The following PHF2 variants were observed in gnomAD, a reference collection of about 807,000 sequenced individuals.
PHF2 encodes the protein lysine-specific demethylase PHF2.
PHF2 carries 27 observed loss-of-function variants against 120.5 expected under a neutral mutation model. The ratio of observed to expected loss-of-function variants is 0.22; its 90% CI spans 0.17 to 0.31. The LOEUF (loss-of-function observed/expected upper bound fraction) is 0.31. Among genes scored for constraint, PHF2 ranks in the 10% least tolerant of loss-of-function variants. PHF2 has a pLI of 1.00. For missense variants in PHF2, 1,024 were observed against 1,434.8 expected, an observed-to-expected ratio of 0.71 and a Z score of 4.63; for synonymous variants, 568 against 592.5, an observed-to-expected ratio of 0.96 and a Z score of 0.60.
At chr9:93,655,553 G>C (rs993793501) in intron 7 of PHF2, among the ~76,000 whole-genome samples, 5 of 152,234 alleles carry the variant, frequency 3.3e-5, no homozygotes, top group Non-Finnish European at 7.3e-5. Flanking sequence ...GCTGGACACA[G>C]ACTGGGGCTT....
At chr9:93,666,170 A>T in intron 16 of PHF2, 110 bp downstream of exon 16, 1 of 1,137,714 alleles carries the variant, frequency 8.8e-7, no homozygotes, top group Non-Finnish European at 1.3e-6. Flanking sequence ...TCTGCATGAG[A>T]TGGCAAAGGG....
intron 5 of PHF2, 35 bp from the exon 6 acceptor site, chr9:93,653,144 C>T: frequency 6.2e-7 from 1 of 1,600,216 alleles, no homozygotes; most frequent in South Asian, 1.1e-5. Context: ...AAGGGAGTCC[C>T]AGGTTCCCTC....
In PHF2 at chr9:93,677,940, T is replaced by C. The variant is rs1826950478; in HGVS notation, c.*264T>C. 1 of 459,174 alleles carries C rather than the reference T, an allele frequency of 2.2e-6. No homozygotes were observed. The highest frequency in any genetic ancestry group is 3.9e-5 in the East Asian group (1 of 25,498). 28.4% of individuals were successfully genotyped at this position (459,174 alleles called of 1,614,324 possible). On this transcript the variant is annotated 3_prime_UTR_variant, in exon 22 of 22. Coordinates refer to ENST00000359246, the MANE Select transcript of PHF2 (RefSeq NM_005392.4). The surrounding 1 kb of genome is among the most constrained non-coding windows in gnomAD (Gnocchi z 4.4). Reference sequence around the variant, plus strand: ...GCCCTGCAAGTTTGAGGACCGCTTATTCCACTTTAAGGACAGCCTTCAGGC... The same window carrying C: ...GCCCTGCAAGTTTGAGGACCGCTTACTCCACTTTAAGGACAGCCTTCAGGC...
intron 1 of PHF2, among the ~76,000 whole-genome samples, chr9:93,596,767 G>GT (rs1825340838): frequency 6.7e-6 from 1 of 148,272 alleles, no homozygotes; most frequent in African/African-American, 2.5e-5. Flanking sequence ...TTTGTTTTTT[G>GT]TTTTTTGTTT....
intron 1 of PHF2, among the ~76,000 whole-genome samples, chr9:93,579,510 T>C (rs1328656823): frequency 6.6e-6 from 1 of 152,212 alleles, no homozygotes; most frequent in Non-Finnish European, 1.5e-5. Context: ...ATTTAACCAG[T>C]GTTCCCCACT....
chr9:93,625,370 CCATTCATCTGTCAGTGGA>C (rs1188171953), intron 1 of PHF2, among the ~76,000 whole-genome samples: 1 of 151,862 alleles, frequency 6.6e-6, no homozygotes, highest in Non-Finnish European at 1.5e-5. Context: ...TTTTGTTTAT[CCATTCATCTGTCAGTGGA>C]CATTCGGGCA....
intron 1 of PHF2, among the ~76,000 whole-genome samples, chr9:93,611,106 A>G (rs1290422284): frequency 6.6e-6 from 1 of 152,134 alleles, no homozygotes; most frequent in Non-Finnish European, 1.5e-5. Flanking sequence ...ATACAGATTT[A>G]TTTTTGAGAG....
At chr9:93,661,721 G>GGATGGATGGATGAGTGGGTA (rs1826570165) in intron 12 of PHF2, among the ~76,000 whole-genome samples, 2 of 132,666 alleles carry the variant, frequency 1.5e-5, no homozygotes, top group Non-Finnish European at 3.0e-5. Context: ...AATAATGAAG[G>GGATGGATGGATGAGTGGGTA]GATGGATGGA....
chr9:93,670,744 C>T (rs1406913942), intron 17 of PHF2, among the ~76,000 whole-genome samples: 1 of 152,178 alleles, frequency 6.6e-6, no homozygotes, highest in East Asian at 1.9e-4. Flanking sequence ...AGGCTGATCA[C>T]ACACTGGGTG....
At chr9:93,588,405 T>C (rs1863102316) in intron 1 of PHF2, among the ~76,000 whole-genome samples, 1 of 152,158 alleles carries the variant, frequency 6.6e-6, no homozygotes, top group Non-Finnish European at 1.5e-5. Context: ...TGAGAAATGA[T>C]TCCTCAGGCC....
intron 12 of PHF2, among the ~76,000 whole-genome samples, chr9:93,662,043 G>A (rs1302208007): frequency 6.6e-6 from 1 of 151,198 alleles, no homozygotes; most frequent in African/African-American, 2.4e-5. Context: ...TCAACAAATG[G>A]TGAGTGGATG....
rs370185558 is a variant in PHF2 at position 93,649,219 on chromosome 9, G to A, written c.602+7G>A. 4.5e-6 allele frequency: 7 copies of A among 1,547,104 alleles called. No individual in the cohort carries two copies. The African/African-American group carries it at 8.2e-5, about 18-fold the overall frequency. On this transcript the variant is annotated splice_region_variant and intron_variant, in intron 5 of 21. Transcript: ENST00000359246. ...TCGAGTTCTCTGACACCCGGTGAGT[G>A]CTACCACCCTGGGGGTGTGGGGGCT...
intron 1 of PHF2, among the ~76,000 whole-genome samples, chr9:93,605,061 A>T (rs774982396): frequency 3.9e-5 from 6 of 152,184 alleles, no homozygotes; most frequent in Non-Finnish European, 5.9e-5. Flanking sequence ...GAGTGAAAAG[A>T]TCGAGAGTTC....
At chr9:93,631,051 G>T (rs1202619595) in intron 2 of PHF2, among the ~76,000 whole-genome samples, 1 of 152,198 alleles carries the variant, frequency 6.6e-6, no homozygotes, top group Non-Finnish European at 1.5e-5. Context: ...TGAAGCACCA[G>T]ACCCCCGGAC....
intron 14 of PHF2, among the ~76,000 whole-genome samples, chr9:93,664,904 C>G (rs544464290): frequency 6.6e-6 from 1 of 152,372 alleles, no homozygotes; most frequent in African/African-American, 2.4e-5. Context: ...TGGAAGCCGC[C>G]TCACCTAGGC....
At chr9:93,626,936 A>C (rs140197509) in intron 1 of PHF2, among the ~76,000 whole-genome samples, 1 of 152,338 alleles carries the variant, frequency 6.6e-6, no homozygotes, top group South Asian at 2.1e-4. Flanking sequence ...CCATTGATCT[A>C]TATGTCTATC....
intron 1 of PHF2, among the ~76,000 whole-genome samples, chr9:93,618,802 G>A (rs2131636660): frequency 2.9e-5 from 1 of 34,542 alleles, no homozygotes; most frequent in South Asian, 1.2e-3. Flanking sequence ...GTGTATTTCT[G>A]TGTATGAGGG....
At chr9:93,631,750 A>G (rs1480885498) in intron 2 of PHF2, among the ~76,000 whole-genome samples, 1 of 151,894 alleles carries the variant, frequency 6.6e-6, no homozygotes, top group African/African-American at 2.4e-5. Context: ...GAGCCAGGAT[A>G]CCCCAGGAGG....
intron 1 of PHF2, among the ~76,000 whole-genome samples, chr9:93,597,141 G>T (rs561221702): frequency 6.6e-6 from 1 of 152,194 alleles, no homozygotes; most frequent in African/African-American, 2.4e-5. Context: ...GTGTTAGCCA[G>T]GATGGTCTCG....
Sources: gnomAD v4.1 joint callset for allele counts (sites outside exome capture counted in the v4.1 genomes callset) on GRCh38, gnomAD v4.1.1 for gene constraint, Gnocchi (gnomAD v3.1) non-coding constraint, MANE v1.5 for transcripts, NCBI Gene and HGNC (gene_info 2026-07-23, HGNC 2026-07-21) for gene names.